VAC14: variants seen among roughly 807,000 people sequenced by gnomAD.
VAC14 encodes the protein protein VAC14 homolog.
In VAC14, 47 loss-of-function variants were observed where a neutral mutation model predicts 85.3. The observed-to-expected ratio is 0.55, with a 90% CI of 0.44 to 0.70. The LOEUF (loss-of-function observed/expected upper bound fraction) is 0.70, where lower values mean the gene tolerates loss of function less well. VAC14 is among the 30% of genes least tolerant of loss of function. VAC14 has a pLI of 0.00. For missense variants in VAC14, 861 were observed against 1,004.3 expected (o/e 0.86, Z 1.93); for synonymous variants, 447 against 430.5 (o/e 1.04, Z -0.47).
At chr16:70,719,907 A>G (rs2054247418) in intron 14 of VAC14, among the ~76,000 whole-genome samples, 1 of 152,218 alleles carries the variant, frequency 6.6e-6, no homozygotes, top group Non-Finnish European at 1.5e-5. Flanking sequence ...CACATAAGAA[A>G]GCATTATCCA....
intron 14 of VAC14, among the ~76,000 whole-genome samples, chr16:70,721,180 G>A (rs995597772): frequency 1.3e-5 from 2 of 152,188 alleles, no homozygotes; most frequent in African/African-American, 4.8e-5. Flanking sequence ...CCAGAAGTGG[G>A]CCAGAATAAG....
chr16:70,783,270 AT>A, intron 6 of VAC14, 131 bp from the exon 7 acceptor site: 1 of 1,090,280 alleles, frequency 9.2e-7, no homozygotes, highest in South Asian at 1.5e-5. Flanking sequence ...TCAGGTGATC[AT>A]TTTCAGATGC....
intron 14 of VAC14, among the ~76,000 whole-genome samples, chr16:70,718,181 G>C (rs544829106): frequency 4.6e-5 from 7 of 152,338 alleles, no homozygotes; most frequent in Admixed American, 2.6e-4. Context: ...CTAGGTGCCA[G>C]GCTGTCTCCT....
intron 13 of VAC14, among the ~76,000 whole-genome samples, chr16:70,742,317 T>C (rs1250406178): frequency 6.6e-6 from 1 of 152,184 alleles, no homozygotes; most frequent in African/African-American, 2.4e-5. Flanking sequence ...CGGTCAGTTC[T>C]TGCTGCTCCT....
At chr16:70,748,350 G>T (rs1451081188) in intron 12 of VAC14, among the ~76,000 whole-genome samples, 3 of 152,226 alleles carry the variant, frequency 2.0e-5, no homozygotes, top group Non-Finnish European at 1.5e-5. Flanking sequence ...TCCCGGAGGA[G>T]TCAGGTGGTG....
intron 13 of VAC14, among the ~76,000 whole-genome samples, chr16:70,742,192 G>A (rs888236950): frequency 4.6e-5 from 7 of 152,210 alleles, no homozygotes; most frequent in African/African-American, 1.7e-4. Flanking sequence ...GAGGAGGAGA[G>A]AAGAGGCTGT....
In VAC14 at chr16:70,760,965, GTGTGTGTGTGT is replaced by G. The variant is rs2032292036; in HGVS notation, c.1371+1564_1371+1574del. Among the ~76,000 whole-genome samples the G allele has an allele frequency of 3.3e-3, 198 of 60,734 alleles. 7 individuals are homozygous for G. Among genetic ancestry groups the G allele is most frequent in the African/African-American group, 0.012 (185 of 15,614 alleles). 39.8% of individuals were successfully genotyped at this position (60,734 alleles called of 152,430 possible). ...AGGGGGTGGTGCACGAAGAGAGGGT[GTGTGTGTGTGT>G]GTGTGTGTGTGTGTGTGTGTGTGTG... On this transcript the variant is annotated intron_variant, in intron 12 of 18. Transcript: ENST00000261776.
chr16:70,718,078 C>G (rs1266836569), intron 14 of VAC14, among the ~76,000 whole-genome samples: 1 of 152,264 alleles, frequency 6.6e-6, no homozygotes, highest in Non-Finnish European at 1.5e-5. Context: ...TTGGGCCAAG[C>G]CTGGCTCTGT....
At chr16:70,741,898 A>G (rs947826617) in intron 13 of VAC14, among the ~76,000 whole-genome samples, 6 of 152,132 alleles carry the variant, frequency 3.9e-5, no homozygotes, top group Non-Finnish European at 7.3e-5. Flanking sequence ...CTGCCGCCCA[A>G]GCAGCGCAAA....
chr16:70,780,576 G>A (rs1248080788), intron 9 of VAC14, among the ~76,000 whole-genome samples: 2 of 152,218 alleles, frequency 1.3e-5, no homozygotes, highest in Non-Finnish European at 1.5e-5. Context: ...CACTAGCTGC[G>A]AGTGTGTGGC....
intron 12 of VAC14, among the ~76,000 whole-genome samples, chr16:70,759,472 CAA>C (rs1454342460): frequency 2.0e-5 from 3 of 152,012 alleles, no homozygotes; most frequent in Non-Finnish European, 4.4e-5. Flanking sequence ...ACTAAAAATG[CAA>C]AAAGTTAGTC....
chr16:70,747,261 C>T (rs2030975303), intron 12 of VAC14: 1 of 152,042 alleles, frequency 6.6e-6, no homozygotes, highest in African/African-American at 2.4e-5. Flanking sequence ...CAGGCAAATC[C>T]ACAGAGACAG....
chr16:70,714,384 C>T (rs1159395912), intron 14 of VAC14: 1 of 152,106 alleles, frequency 6.6e-6, no homozygotes, highest in Non-Finnish European at 1.5e-5. Context: ...ACTGGGGGGC[C>T]CAGGAGAAGC....
intron 14 of VAC14, 25 bp downstream of exon 14, chr16:70,731,470 G>C (rs187578008): frequency 7.0e-4 from 1,128 of 1,606,924 alleles, no homozygotes; most frequent in Non-Finnish European, 9.2e-4. Flanking sequence ...GGAGGAAGAG[G>C]AGAAAGCGCG....
chr16:70,691,813 G>A (rs776065889), intron 18 of VAC14: 26 of 985,434 alleles, frequency 2.6e-5, no homozygotes, highest in Non-Finnish European at 3.0e-5. Context: ...GGGGCAGTGG[G>A]AGCCGATGCC....
intron 17 of VAC14, among the ~76,000 whole-genome samples, chr16:70,693,926 G>A (rs2142987967): frequency 6.6e-6 from 1 of 152,308 alleles, no homozygotes; most frequent in South Asian, 2.1e-4. Flanking sequence ...TGGTGCGCAG[G>A]GAGCAGAGGA....
In VAC14 at chr16:70,687,925, C is replaced by A; in HGVS notation, c.*3G>T. On this transcript the variant is annotated 3_prime_UTR_variant, in exon 19 of 19. Coordinates refer to ENST00000261776, the MANE Select transcript of VAC14 (RefSeq NM_018052.5). ...CGGTGGGCCCTCCTCCGTGCCAGGC[C>A]TGTCAGAGGACAACCCTCCGGTCCA... 1.3e-6 allele frequency: 2 copies of A among 1,535,058 alleles called. No individual in the cohort carries two copies. Among genetic ancestry groups the A allele is most frequent in the African/African-American group, 1.4e-5 (1 of 72,058 alleles).
chr16:70,764,976 A>G (rs2032693514), intron 10 of VAC14, among the ~76,000 whole-genome samples: 1 of 151,826 alleles, frequency 6.6e-6, no homozygotes, highest in African/African-American at 2.4e-5. Context: ...GTTCTGTTCC[A>G]CACACTTTTT....
chr16:70,794,071 A>G (rs1052097083), intron 1 of VAC14, among the ~76,000 whole-genome samples: 1 of 152,172 alleles, frequency 6.6e-6, no homozygotes, highest in Non-Finnish European at 1.5e-5. Context: ...GGGTGACAGT[A>G]GTTGTGACTA....
Sources: gnomAD v4.1 joint callset for allele counts (sites outside exome capture counted in the v4.1 genomes callset) on GRCh38, gnomAD v4.1.1 for gene constraint, MANE v1.5 for transcripts, NCBI Gene and HGNC (gene_info 2026-07-23, HGNC 2026-07-21) for gene names.